ZSCAN20: variants seen among roughly 807,000 people sequenced by gnomAD.
ZSCAN20 encodes zinc finger and SCAN domain containing 20, also known as zinc finger and SCAN domain-containing protein 20.
ZSCAN20 carries 39 observed loss-of-function variants against 97.1 expected under a neutral mutation model. That is an observed-to-expected ratio of 0.40 (90% CI 0.31 to 0.52). The LOEUF is 0.52. Ranked by LOEUF, ZSCAN20 falls within the 20% of genes least tolerant of loss-of-function variation. The probability of loss-of-function intolerance (pLI) is 0.49; values close to 1 mark genes in which losing one functional copy is unlikely to be tolerated. For missense variants in ZSCAN20, 1,115 were observed against 1,290.4 expected, an observed-to-expected ratio of 0.86 and a Z score of 2.08; for synonymous variants, 456 against 467.3, an observed-to-expected ratio of 0.98 and a Z score of 0.31.
chr1:33,472,868 A>G (rs1347544096), intron 1 of ZSCAN20, among the ~76,000 whole-genome samples, 177 bp downstream of exon 1: 14 of 151,480 alleles, frequency 9.2e-5, no homozygotes, highest in Non-Finnish European at 1.3e-4. Context: ...GAAGGGTCAT[A>G]CAGGGGTCGG....
rs1314956602 is a variant in ZSCAN20 at position 33,493,565 on chromosome 1, A to T, written c.1823A>T (p.Asn608Ile). ...DAQEAWGEVA[N>I]EDAVKPSTLC... Reference sequence around the variant, plus strand: ...CAGGAGGCCTGGGGTGAAGTGGCCAATGAAGATGCTGTCAAACCTTCAACC... The same window carrying T: ...CAGGAGGCCTGGGGTGAAGTGGCCATTGAAGATGCTGTCAAACCTTCAACC... The change falls in exon 7 of 8, where the codon AAT becomes ATT. Residue 608 changes from asparagine (N) to isoleucine (I), a missense_variant. Asn to Ile is a moderately radical substitution (Grantham distance 149). This residue lies in a region of ZSCAN20 where 554 missense variants were observed against 584.9 expected (regional missense o/e 0.95). Coordinates refer to ENST00000684572, the MANE Select transcript of ZSCAN20 (RefSeq NM_001377376.1). The surrounding 1 kb of genome is among the most constrained non-coding windows in gnomAD (Gnocchi z 4.3). 4 of 1,608,402 alleles carry T rather than the reference A, an allele frequency of 2.5e-6. No homozygotes were observed. In the Admixed American group the frequency reaches 6.7e-5, roughly 27 times the overall value.
chr1:33,493,069 T>C lies in ZSCAN20; in HGVS notation c.1445-118T>C, dbSNP rs549830170. 2.4e-4 allele frequency: 257 copies of C among 1,068,592 alleles called. No individual in the cohort carries two copies. Among genetic ancestry groups the C allele is most frequent in the Non-Finnish European group, 3.2e-4 (241 of 744,594 alleles). The allele number at this position is 1,068,592 out of a possible 1,614,324, so 66.2% of individuals were successfully genotyped here. A position where few individuals can be genotyped will look rare whatever the true frequency, so the allele number is the denominator to read the frequency against. ...AGCAAAGGGATATTCTCCAGGTACC[T>C]GGATAGTTTCTGACATGCCTATGTT... On this transcript the variant is annotated intron_variant, in intron 6 of 7. Transcript: ENST00000684572. The surrounding 1 kb of genome is among the most constrained non-coding windows in gnomAD (Gnocchi z 4.3).
In ZSCAN20 at chr1:33,496,691, A is replaced by G. The variant is rs560885102; in HGVS notation, c.*1215A>G. 9.2e-5 allele frequency among the ~76,000 whole-genome samples: 14 copies of G among 152,248 alleles called. No homozygotes were observed. In the East Asian group the frequency reaches 2.7e-3, roughly 30 times the overall value. ...TGTCTGGCTTTTCCTTTTGGCAAGC[A>G]GAAGCTTTGTTCTTGGTCCCCATGC... On this transcript the variant is annotated 3_prime_UTR_variant, in exon 8 of 8. Transcript: ENST00000684572.
rs145084724 is a variant in ZSCAN20 at position 33,478,335 on chromosome 1, C to T, written c.-110-844C>T. On this transcript the variant is annotated intron_variant, in intron 1 of 7. Transcript: ENST00000684572. ...AGATGGAGATGCCAAGTGGACACAG[C>T]GTGGTGATGAATTGGATTTGGGGAT... 4.7e-5 allele frequency among the ~76,000 whole-genome samples: 5 copies of T among 105,530 alleles called. No individual in the cohort carries two copies. In the South Asian group the frequency reaches 9.8e-4, roughly 21 times the overall value. The allele number at this position is 105,530 out of a possible 152,430, so 69.2% of individuals were successfully genotyped here. A position where few individuals can be genotyped will look rare whatever the true frequency, so the allele number is the denominator to read the frequency against.
At position 33,493,788 on chromosome 1, in the gene ZSCAN20, A is replaced by ATCAG. The variant is rs963512255; in HGVS notation, c.1873+189_1873+192dup. Among the ~76,000 whole-genome samples the ATCAG allele has an allele frequency of 4.6e-5, 7 of 152,352 alleles. No individual in the cohort carries two copies. Among genetic ancestry groups the ATCAG allele is most frequent in the Admixed American group, 1.3e-4 (2 of 15,306 alleles). On this transcript the variant is annotated intron_variant, in intron 7 of 7. Transcript: ENST00000684572. The surrounding 1 kb of genome is among the most constrained non-coding windows in gnomAD (Gnocchi z 4.3). ...TCTCTAGCTTTGTGTGATCCCCCGA[A>ATCAG]TCAGTCAGTCAGTCAGTCATTCTAT...
Position 33,494,563 on chromosome 1 carries a change from G to T in ZSCAN20, c.2219G>T (p.Cys740Phe), listed in dbSNP as rs1652769141. The change falls in exon 8 of 8, where the codon TGC becomes TTC. Residue 740 changes from cysteine (C) to phenylalanine (F), a missense_variant. By Grantham distance (205) the Cys-to-Phe change is radical. Around this residue, in one of 3 missense-constraint regions of ZSCAN20, gnomAD observed 554 missense variants for 584.9 expected, o/e 0.95. Coordinates refer to ENST00000684572, the MANE Select transcript of ZSCAN20 (RefSeq NM_001377376.1). ...RIHTGEKPYK[C>F]LECGKNFSDR... ...CACACAGGTGAGAAGCCCTACAAAT[G>T]CCTTGAATGTGGAAAAAACTTTAGT... The T allele has an allele frequency of 6.2e-7, 1 of 1,614,036 alleles. No homozygotes were observed. Among genetic ancestry groups the T allele is most frequent in the African/African-American group, 1.3e-5 (1 of 75,066 alleles).
Position 33,494,275 on chromosome 1 carries a change from G to T in ZSCAN20, c.1931G>T (p.Gly644Val). The change falls in exon 8 of 8, where the codon GGT becomes GTT. Residue 644 changes from glycine (G) to valine (V), a missense_variant. Physicochemically the swap from Gly to Val is moderately radical, Grantham distance 109 (BLOSUM62 -3). This residue lies in a region of ZSCAN20 where 554 missense variants were observed against 584.9 expected (regional missense o/e 0.95). Coordinates refer to ENST00000684572, the MANE Select transcript of ZSCAN20 (RefSeq NM_001377376.1). Reference protein sequence around the residue: ...DQISEQDIFEGLPGALSKCPT... With the variant: ...DQISEQDIFEVLPGALSKCPT... ...ATTTCAGAGCAGGACATTTTTGAGG[G>T]TTTGCCTGGAGCCTTATCAAAATGT... 6.2e-7 allele frequency: 1 copy of T among 1,606,796 alleles called. No homozygotes were observed. The highest frequency in any genetic ancestry group is 2.2e-5 in the East Asian group (1 of 44,796).
chr1:33,486,574 A>G (rs531980705), intron 2 of ZSCAN20, among the ~76,000 whole-genome samples: 6 of 152,270 alleles, frequency 3.9e-5, no homozygotes, highest in African/African-American at 1.4e-4. Context: ...TAGAAGTCTG[A>G]CCTACTAATT....
chr1:33,491,042 C>G lies in ZSCAN20; in HGVS notation c.784C>G (p.Pro262Ala). The change falls in exon 6 of 8, where the codon CCA (proline) becomes GCA (alanine). Residue 262 changes from proline (P) to alanine (A), a missense_variant. This residue lies in a region of ZSCAN20 where 508 missense variants were observed against 611.2 expected (regional missense o/e 0.83). Coordinates refer to ENST00000684572, the MANE Select transcript of ZSCAN20 (RefSeq NM_001377376.1). The surrounding 1 kb of genome is among the most constrained non-coding windows in gnomAD (Gnocchi z 4.3). ...TTTTGTAGGAGTTCCAGTTTCAAAACCAAGTAATACCTCCGAGAAAGAGCA... is the reference window on the plus strand; with the variant it reads ...TTTTGTAGGAGTTCCAGTTTCAAAAGCAAGTAATACCTCCGAGAAAGAGCA... ...SVCLGVPVSK[P>A]SNTSEKEQGP... is the part of the protein sequence containing the mutation. 6.3e-7 allele frequency: 1 copy of G among 1,599,084 alleles called. No homozygotes were observed. Among genetic ancestry groups the G allele is most frequent in the Non-Finnish European group, 8.5e-7 (1 of 1,174,704 alleles).
In ZSCAN20 at chr1:33,495,506, C is replaced by T. The variant is rs757081110; in HGVS notation, c.*30C>T. Reference sequence around the variant, plus strand: ...CAGTTTCCTCAACAACAAAGGAGGACTCAATGTATATATCTTATATCATAA... The same window carrying T: ...CAGTTTCCTCAACAACAAAGGAGGATTCAATGTATATATCTTATATCATAA... On this transcript the variant is annotated 3_prime_UTR_variant, in exon 8 of 8. Coordinates refer to ENST00000684572, the MANE Select transcript of ZSCAN20 (RefSeq NM_001377376.1). The T allele has an allele frequency of 4.6e-5, 68 of 1,491,400 alleles. No homozygotes were observed. The highest frequency in any genetic ancestry group is 6.0e-5 in the Non-Finnish European group (67 of 1,118,860). 92.4% of individuals were successfully genotyped at this position (1,491,400 alleles called of 1,614,324 possible).
chr1:33,482,480 G>A (rs1307059534), intron 2 of ZSCAN20, among the ~76,000 whole-genome samples: 2 of 152,204 alleles, frequency 1.3e-5, no homozygotes, highest in Non-Finnish European at 2.9e-5. Flanking sequence ...CCTACTGAAG[G>A]ACATCTTGGT....
Position 33,491,275 on chromosome 1 carries a change from T to A in ZSCAN20, c.1017T>A (p.Ser339Arg). The A allele has an allele frequency of 6.2e-7, 1 of 1,614,066 alleles. No homozygotes were observed. Among genetic ancestry groups the A allele is most frequent in the African/African-American group, 1.3e-5 (1 of 75,002 alleles). ...EETKTFLAIL[S>R]ESPFSEKLRT... The stretch of plus-strand genomic sequence containing the variant: ...CCAAGACTTTCCTGGCAATTTTGAG[T>A]GAATCTCCTTTCTCTGAAAAGCTCC... Residue 339 changes from serine (S) to arginine (R), a missense_variant, in exon 6 of 8, where the codon AGT becomes AGA. Coordinates refer to ENST00000684572, the MANE Select transcript of ZSCAN20 (RefSeq NM_001377376.1). The surrounding 1 kb of genome is among the most constrained non-coding windows in gnomAD (Gnocchi z 4.3).
intron 2 of ZSCAN20, among the ~76,000 whole-genome samples, chr1:33,487,101 G>A (rs1652398451): frequency 6.6e-6 from 1 of 152,200 alleles, no homozygotes; most frequent in South Asian, 2.1e-4. Context: ...ACATTTGCTT[G>A]TATGTAGAAA....
At chr1:33,488,218 A>G (rs900103000) in intron 2 of ZSCAN20, among the ~76,000 whole-genome samples, 1 of 152,176 alleles carries the variant, frequency 6.6e-6, no homozygotes, top group African/African-American at 2.4e-5. Context: ...ATGAATCAAA[A>G]ATGTTTTGAA....
In ZSCAN20 at chr1:33,496,748, G is replaced by C. The variant is rs915732979; in HGVS notation, c.*1272G>C. On this transcript the variant is annotated 3_prime_UTR_variant, in exon 8 of 8. Coordinates refer to ENST00000684572, the MANE Select transcript of ZSCAN20 (RefSeq NM_001377376.1). ...TGAGGTGGGAGGTGCTGGTGTATAT[G>C]GTCATCTACTGAGAGGGCCTTGACC... Among the ~76,000 whole-genome samples, 1 of 152,068 alleles carries C rather than the reference G, an allele frequency of 6.6e-6. No homozygotes were observed. The highest frequency in any genetic ancestry group is 1.5e-5 in the Non-Finnish European group (1 of 68,006).
At chr1:33,487,859 C>T (rs1249318165) in intron 2 of ZSCAN20, among the ~76,000 whole-genome samples, 1 of 151,868 alleles carries the variant, frequency 6.6e-6, no homozygotes, top group Non-Finnish European at 1.5e-5. Flanking sequence ...GCTATGTTGC[C>T]CAGGCTGGTC....
chr1:33,492,025 A>T, intron 6 of ZSCAN20: 1 of 214,638 alleles, frequency 4.7e-6, no homozygotes, highest in Non-Finnish European at 9.2e-6. Context: ...TCTTGTATTT[A>T]TATATTTCTC....
In ZSCAN20 at chr1:33,501,536, A is replaced by ATTT. The variant is rs34549868; in HGVS notation, c.*6072_*6074dup. 0.33 allele frequency among the ~76,000 whole-genome samples: 44,992 copies of ATTT among 136,502 alleles called. 7,603 individuals are homozygous for ATTT. The highest frequency in any genetic ancestry group is 0.39 in the African/African-American group (14,197 of 36,828). The allele number at this position is 136,502 out of a possible 152,430, so 89.6% of individuals were successfully genotyped here. A position where few individuals can be genotyped will look rare whatever the true frequency, so the allele number is the denominator to read the frequency against. On this transcript the variant is annotated 3_prime_UTR_variant, in exon 8 of 8. Coordinates refer to ENST00000684572, the MANE Select transcript of ZSCAN20 (RefSeq NM_001377376.1). Reference sequence around the variant, plus strand: ...TGCTTTCACTTCCCCATTTTCTGTTATTTTTTTTTTTTTTGTGCTGTTATG... The same window carrying ATTT: ...TGCTTTCACTTCCCCATTTTCTGTTATTTTTTTTTTTTTTTTTGTGCTGTTATG...
At chr1:33,488,765 C>T (rs181928726) in intron 3 of ZSCAN20, 114 bp downstream of exon 3, 55 of 1,185,418 alleles carry the variant, frequency 4.6e-5, no homozygotes, top group Admixed American at 1.9e-4. Context: ...AAGGGATAGG[C>T]TGCAGTGTGG....
Sources: gnomAD v4.1 joint callset for allele counts (sites outside exome capture counted in the v4.1 genomes callset) on GRCh38, gnomAD v4.1.1 for gene constraint, gnomAD v4.1.1 regional missense constraint, Gnocchi (gnomAD v3.1) non-coding constraint, MANE v1.5 for transcripts, NCBI Gene and HGNC (gene_info 2026-07-23, HGNC 2026-07-21) for gene names.